VAT1L: variants seen among roughly 807,000 people sequenced by gnomAD.
VAT1L encodes putative NADPH-dependent quinone oxidoreductase VAT1L.
A neutral mutation model predicts 44.1 loss-of-function variants in VAT1L; 34 were observed. That is an observed-to-expected ratio of 0.77 (90% CI 0.59 to 1.03). The LOEUF (loss-of-function observed/expected upper bound fraction) is 1.03. Ranked by LOEUF, VAT1L falls within the 50% of genes least tolerant of loss-of-function variation. VAT1L has a pLI of 0.00. For missense variants in VAT1L, 615 were observed against 538.8 expected (o/e 1.14, Z -1.40); for synonymous variants, 253 against 202.2 (o/e 1.25, Z -2.13).
At chr16:77,934,048 G>A (rs1353660753) in intron 7 of VAT1L, among the ~76,000 whole-genome samples, 1 of 152,160 alleles carries the variant, frequency 6.6e-6, no homozygotes, top group Admixed American at 6.5e-5. Flanking sequence ...CTAGAGGGAG[G>A]AGTAAGAATA....
intron 5 of VAT1L, among the ~76,000 whole-genome samples, chr16:77,877,951 G>A (rs1023760329): frequency 2.0e-5 from 3 of 152,164 alleles, no homozygotes; most frequent in African/African-American, 4.8e-5. Flanking sequence ...CAAGGATATC[G>A]GATATGACTA....
chr16:77,907,039 T>C (rs1410403585), intron 7 of VAT1L, among the ~76,000 whole-genome samples: 1 of 152,114 alleles, frequency 6.6e-6, no homozygotes, highest in Non-Finnish European at 1.5e-5. Flanking sequence ...CAATTAGAGG[T>C]CTACACAGTG....
intron 7 of VAT1L, among the ~76,000 whole-genome samples, chr16:77,947,147 A>G (rs558579176): frequency 5.3e-5 from 8 of 152,352 alleles, no homozygotes; most frequent in Non-Finnish European, 8.8e-5. Flanking sequence ...AAATGGGCAG[A>G]GATAATTAAA....
chr16:77,802,886 A>C (rs2145216879), intron 1 of VAT1L, among the ~76,000 whole-genome samples: 2 of 151,578 alleles, frequency 1.3e-5, no homozygotes, highest in Non-Finnish European at 2.9e-5. Context: ...CTTTTTTTTG[A>C]GGCGCATCAA....
chr16:77,791,518 G>A (rs559918596), intron 1 of VAT1L, among the ~76,000 whole-genome samples: 15 of 152,292 alleles, frequency 9.8e-5, no homozygotes, highest in Admixed American at 6.5e-4. Context: ...ATTGAGGCTT[G>A]GAAACATTGA....
intron 3 of VAT1L, among the ~76,000 whole-genome samples, chr16:77,842,796 T>G (rs1203970145): frequency 6.6e-6 from 1 of 152,240 alleles, no homozygotes; most frequent in Non-Finnish European, 1.5e-5. Context: ...GATGGATGAA[T>G]GAATTCCAAG....
At chr16:77,951,360 A>G (rs2018040268) in intron 7 of VAT1L, among the ~76,000 whole-genome samples, 1 of 149,450 alleles carries the variant, frequency 6.7e-6, no homozygotes, top group Non-Finnish European at 1.5e-5. Context: ...AGCCTGGGCA[A>G]TATGGTGAAA....
intron 3 of VAT1L, among the ~76,000 whole-genome samples, chr16:77,835,447 G>T (rs1468357554): frequency 2.0e-5 from 3 of 152,098 alleles, no homozygotes; most frequent in Non-Finnish European, 2.9e-5. Context: ...ATCATCCCAT[G>T]GTCCAGCTGT....
At chr16:77,805,846 T>C (rs940695580) in intron 1 of VAT1L, among the ~76,000 whole-genome samples, 1 of 150,992 alleles carries the variant, frequency 6.6e-6, no homozygotes, top group African/African-American at 2.4e-5. Flanking sequence ...TTTTGTGTTA[T>C]TTTTTCCTTA....
chr16:77,901,269 T>C (rs1462867735), intron 7 of VAT1L, among the ~76,000 whole-genome samples: 3 of 147,852 alleles, frequency 2.0e-5, no homozygotes, highest in Admixed American at 1.4e-4. Context: ...GTTCATGCCA[T>C]TCTCCTGCCT....
intron 7 of VAT1L, among the ~76,000 whole-genome samples, chr16:77,959,021 G>T (rs2018134055): frequency 6.6e-6 from 1 of 152,174 alleles, no homozygotes; most frequent in Non-Finnish European, 1.5e-5. Flanking sequence ...AAGACAGACA[G>T]CTAGGGTATA....
At chr16:77,851,356 A>G (rs1434413117) in intron 3 of VAT1L, among the ~76,000 whole-genome samples, 1 of 152,206 alleles carries the variant, frequency 6.6e-6, no homozygotes, top group Non-Finnish European at 1.5e-5. Flanking sequence ...TAGAGTAAGA[A>G]GAGCAGAGCT....
At chr16:77,866,515 T>C (rs1351405167) in intron 4 of VAT1L, among the ~76,000 whole-genome samples, 1 of 151,264 alleles carries the variant, frequency 6.6e-6, no homozygotes, top group Non-Finnish European at 1.5e-5. Context: ...AGGGAAAATA[T>C]CCAACTGCCA....
At chr16:77,811,643 C>T (rs979595849) in intron 1 of VAT1L, among the ~76,000 whole-genome samples, 1 of 152,118 alleles carries the variant, frequency 6.6e-6, no homozygotes, top group Admixed American at 6.6e-5. Flanking sequence ...TAAAACACTC[C>T]ATCCCTTAAT....
chr16:77,829,517 C>T (rs886828080), intron 3 of VAT1L, among the ~76,000 whole-genome samples: 2 of 152,144 alleles, frequency 1.3e-5, no homozygotes, highest in Non-Finnish European at 2.9e-5. Context: ...TTGGAATTGC[C>T]CACTGCCTCC....
intron 3 of VAT1L, among the ~76,000 whole-genome samples, chr16:77,844,757 A>C (rs909394820): frequency 6.6e-6 from 1 of 152,206 alleles, no homozygotes; most frequent in African/African-American, 2.4e-5. Context: ...TGGTATCTAC[A>C]GAGGGCTCCT....
chr16:77,792,931 A>C (rs548804227), intron 1 of VAT1L, among the ~76,000 whole-genome samples: 120 of 152,338 alleles, frequency 7.9e-4, no homozygotes, highest in Non-Finnish European at 1.5e-3. Flanking sequence ...GCAGTCAAAA[A>C]ATGATAACCA....
chr16:77,936,231 G>A (rs539371859), intron 7 of VAT1L, among the ~76,000 whole-genome samples: 6 of 152,268 alleles, frequency 3.9e-5, no homozygotes, highest in Admixed American at 2.0e-4. Flanking sequence ...GAGACTTAAG[G>A]CTGCGAAACA....
chr16:77,892,796 C>CATGT, intron 7 of VAT1L: 1 of 793,682 alleles, frequency 1.3e-6, no homozygotes, highest in East Asian at 2.4e-5. Flanking sequence ...GGATGGCAAG[C>CATGT]ATGTGGTCTT....
Sources: allele counts gnomAD v4.1 joint callset (sites outside exome capture counted in the v4.1 genomes callset), GRCh38; gene constraint gnomAD v4.1.1; transcripts MANE v1.5; gene names NCBI Gene and HGNC (gene_info 2026-07-23, HGNC 2026-07-21).